Variants in WNT7B observed in about 807,000 individuals in gnomAD.
The protein encoded by WNT7B is Wnt family member 7B.
In WNT7B, 19 loss-of-function variants were observed where a neutral mutation model predicts 38.2. The observed-to-expected ratio is 0.50, with a 90% CI of 0.35 to 0.73. The LOEUF is 0.73. Among genes scored for constraint, WNT7B ranks in the 30% least tolerant of loss-of-function variants. The pLI, the probability that WNT7B is intolerant of heterozygous loss-of-function variation, is 0.01. For synonymous variants in WNT7B, 243 were observed against 209.3 expected (o/e 1.16, Z -1.39); for missense variants, 423 against 507.9 (o/e 0.83, Z 1.61).
rs1931347447 is a variant in WNT7B, at chr22:45,931,280, T to C, written c.388A>G (p.Asn130Asp). Residue 130 changes from asparagine (N) to aspartate (D), a missense_variant, in exon 3 of 4, where the codon AAC becomes GAC. Transcript: ENST00000339464. ...TGCTTCTCGCGGTCGCAGCCGCAGT[T>C]GCTCAGGTTCCCTTGGCTGCAGGCA... ...TAACSQGNLS[N>D]CGCDREKQGY... 6.3e-7 allele frequency: 1 copy of C among 1,598,624 alleles called. No individual in the cohort carries two copies. Among genetic ancestry groups the C allele is most frequent in the Non-Finnish European group, 8.5e-7 (1 of 1,179,722 alleles).
chr22:45,950,711 CTCAGT>C (rs1209305734), intron 1 of WNT7B, among the ~76,000 whole-genome samples: 1 of 152,156 alleles, frequency 6.6e-6, no homozygotes, highest in East Asian at 1.9e-4. Flanking sequence ...CCGTCTGAGC[CTCAGT>C]TTCCACACCC....
At chr22:45,972,203 G>A (rs1362504313) in intron 1 of WNT7B, 1 of 650,388 alleles carries the variant, frequency 1.5e-6, no homozygotes, top group Non-Finnish European at 2.8e-6. Context: ...GCAATAGACG[G>A]AGACGAGCGC....
At chr22:45,949,401 G>A (rs1026370791) in intron 2 of WNT7B, among the ~76,000 whole-genome samples, 13 of 135,664 alleles carry the variant, frequency 9.6e-5, no homozygotes, top group African/African-American at 3.3e-4. Context: ...ATCCTGCACA[G>A]TTCACTCGGC....
intron 3 of WNT7B, chr22:45,925,636 C>T (rs1396912335): frequency 3.0e-6 from 3 of 985,366 alleles, no homozygotes; most frequent in East Asian, 1.1e-4. Context: ...GGATCTGTCC[C>T]CTCCTGGAAA....
intron 1 of WNT7B, among the ~76,000 whole-genome samples, chr22:45,963,852 A>T (rs954920151): frequency 6.6e-6 from 1 of 152,184 alleles, no homozygotes; most frequent in South Asian, 2.1e-4. Context: ...GACTCCCGCA[A>T]CAGAGGGAGG....
Position 45,977,161 on chromosome 22 carries a change from T to G in WNT7B, c.-407A>C. ...GCACTTGTCGGCCGCCCCAGGTGAC[T>G]CGCGGCCCCGGCAAGCGAGCCGCGA... On this transcript the variant is annotated 5_prime_UTR_variant, in exon 1 of 4. Transcript: ENST00000339464. 8.7e-6 allele frequency: 3 copies of G among 344,704 alleles called. No homozygotes were observed. The highest frequency in any genetic ancestry group is 1.2e-5 in the Non-Finnish European group (3 of 244,898). The allele number at this position is 344,704 out of a possible 1,614,324, so 21.4% of individuals were successfully genotyped here.
rs1331121673 is a variant in WNT7B, at chr22:45,922,578, G to GC, written c.*277dup. The GC allele has an allele frequency of 2.1e-6, 1 of 480,822 alleles. No individual in the cohort carries two copies. Among genetic ancestry groups the GC allele is most frequent in the East Asian group, 3.3e-5 (1 of 30,094 alleles). The allele number at this position is 480,822 out of a possible 1,614,324, so 29.8% of individuals were successfully genotyped here. A position where few individuals can be genotyped will look rare whatever the true frequency, so the allele number is the denominator to read the frequency against. On this transcript the variant is annotated 3_prime_UTR_variant, in exon 4 of 4. Coordinates refer to ENST00000339464, the MANE Select transcript of WNT7B (RefSeq NM_058238.3). Reference sequence around the variant, plus strand: ...AGAGAGAAGAAAGAGAACTTGCCGGGCCCCGTCGGGGAGCACCAAGACCCC... The same window carrying GC: ...AGAGAGAAGAAAGAGAACTTGCCGGGCCCCCGTCGGGGAGCACCAAGACCCC...
intron 3 of WNT7B, chr22:45,925,294 C>T: frequency 1.0e-6 from 1 of 985,380 alleles, no homozygotes; most frequent in Non-Finnish European, 1.2e-6. Context: ...GGCTGGCAGC[C>T]TGGAGCTGGG....
rs1376982822 is a variant in WNT7B at position 45,921,183 on chromosome 22, C to G, written c.*1673G>C. On this transcript the variant is annotated 3_prime_UTR_variant, in exon 4 of 4. Coordinates refer to ENST00000339464, the MANE Select transcript of WNT7B (RefSeq NM_058238.3). ...CACCAGGAGCCAGCTGCAGACCATCCTCTCTGGCCTCGGACAAGTTCCTCC... is the reference window on the plus strand; with the variant it reads ...CACCAGGAGCCAGCTGCAGACCATCGTCTCTGGCCTCGGACAAGTTCCTCC... 6.6e-6 allele frequency: 1 copy of G among 152,458 alleles called. No individual in the cohort carries two copies. Among genetic ancestry groups the G allele is most frequent in the Admixed American group, 6.5e-5 (1 of 15,288 alleles). The allele number at this position is 152,458 out of a possible 1,614,324, so 9.4% of individuals were successfully genotyped here. A position where few individuals can be genotyped will look rare whatever the true frequency, so the allele number is the denominator to read the frequency against.
At chr22:45,955,927 T>C (rs1292934965) in intron 1 of WNT7B, among the ~76,000 whole-genome samples, 1 of 152,102 alleles carries the variant, frequency 6.6e-6, no homozygotes, top group Admixed American at 6.5e-5. Context: ...CGGCCCCCTG[T>C]ACAAGGAGGG....
rs1410797083 is a variant in WNT7B, at chr22:45,942,258, G to A, written c.298+7662C>T. 2.0e-5 allele frequency among the ~76,000 whole-genome samples: 3 copies of A among 152,328 alleles called. No individual in the cohort carries two copies. In the East Asian group the frequency reaches 5.8e-4, roughly 29 times the overall value. Reference sequence around the variant, plus strand: ...TCTCGGTCTAGACAGGACTCAAAGTGGCTGTTGGGCACAGAAGCTGGAAGA... The same window carrying A: ...TCTCGGTCTAGACAGGACTCAAAGTAGCTGTTGGGCACAGAAGCTGGAAGA... On this transcript the variant is annotated intron_variant, in intron 2 of 3. Transcript: ENST00000339464.
intron 3 of WNT7B, chr22:45,927,628 G>T: frequency 1.2e-6 from 1 of 811,968 alleles, no homozygotes; most frequent in South Asian, 1.4e-5. Flanking sequence ...AGGTGCAGTG[G>T]CTCACACCTG....
chr22:45,931,983 A>G (rs1446910719), intron 2 of WNT7B, among the ~76,000 whole-genome samples: 2 of 152,106 alleles, frequency 1.3e-5, no homozygotes, highest in Non-Finnish European at 2.9e-5. Context: ...ACCCGCCTTC[A>G]GTCCGTCTCC....
chr22:45,928,742 A>G (rs903530045), intron 3 of WNT7B, among the ~76,000 whole-genome samples: 1 of 152,136 alleles, frequency 6.6e-6, no homozygotes, highest in Non-Finnish European at 1.5e-5. Context: ...TAAATCAGAC[A>G]CAACCCTGGT....
chr22:45,954,478 A>G (rs1411653020), intron 1 of WNT7B, among the ~76,000 whole-genome samples: 1 of 152,182 alleles, frequency 6.6e-6, no homozygotes, highest in Non-Finnish European at 1.5e-5. Context: ...CACCCCAGTG[A>G]AGATTAGGAC....
intron 1 of WNT7B, among the ~76,000 whole-genome samples, chr22:45,974,372 C>T (rs1312281732): frequency 6.6e-6 from 1 of 152,224 alleles, no homozygotes; most frequent in Non-Finnish European, 1.5e-5. Context: ...GACGACACAC[C>T]TGGGCCCAGC....
chr22:45,922,718 C>A lies in WNT7B; in HGVS notation c.*138G>T. ...CAGAGGGCGTGGGCCCCGGCCGGTG[C>A]CCTCCTGCACCTGGAGCTCCCCGCT... is the stretch of plus-strand genomic sequence containing the variant. On this transcript the variant is annotated 3_prime_UTR_variant, in exon 4 of 4. Transcript: ENST00000339464. 7.2e-7 allele frequency: 1 copy of A among 1,384,050 alleles called. No individual in the cohort carries two copies. The highest frequency in any genetic ancestry group is 9.6e-7 in the Non-Finnish European group (1 of 1,042,020). 85.7% of individuals were successfully genotyped at this position (1,384,050 alleles called of 1,614,324 possible).
intron 1 of WNT7B, among the ~76,000 whole-genome samples, chr22:45,971,203 G>A (rs1173558878): frequency 1.3e-5 from 2 of 150,298 alleles, no homozygotes; most frequent in African/African-American, 2.4e-5. Context: ...CCCTCTGGCC[G>A]CGTCAGGCGA....
At chr22:45,926,870 G>GCTCCCA (rs1323967090) in intron 3 of WNT7B, 2 of 985,314 alleles carry the variant, frequency 2.0e-6, no homozygotes, top group Non-Finnish European at 2.4e-6. Flanking sequence ...AGGATCCGGC[G>GCTCCCA]CTCCCATTAG....
Sources: gnomAD v4.1 joint callset for allele counts (sites outside exome capture counted in the v4.1 genomes callset) on GRCh38, gnomAD v4.1.1 for gene constraint, MANE v1.5 for transcripts, NCBI Gene and HGNC (gene_info 2026-07-23, HGNC 2026-07-21) for gene names.